The following ITCH variants were observed in gnomAD, a reference collection of about 807,000 sequenced individuals.
The protein encoded by ITCH is itchy E3 ubiquitin protein ligase, also known as E3 ubiquitin-protein ligase Itchy homolog.
Under a neutral mutation model 126.8 loss-of-function variants are expected in ITCH, and 28 were observed. The observed-to-expected ratio is 0.22, with a 90% CI of 0.16 to 0.30. The LOEUF (loss-of-function observed/expected upper bound fraction) is 0.30. ITCH is among the 10% of genes least tolerant of loss of function. ITCH has a pLI of 1.00. For missense variants in ITCH, 631 were observed against 1,032.4 expected, an observed-to-expected ratio of 0.61 and a Z score of 5.33; for synonymous variants, 342 against 340.0, an observed-to-expected ratio of 1.01 and a Z score of -0.06.
intron 23 of ITCH, among the ~76,000 whole-genome samples, chr20:34,494,857 G>A (rs189120116): frequency 6.6e-6 from 1 of 152,088 alleles, no homozygotes. Context: ...TATTCAGGAG[G>A]TTGAGGTGGG....
intron 2 of ITCH, among the ~76,000 whole-genome samples, chr20:34,377,644 G>A (rs980691616): frequency 6.6e-6 from 1 of 151,878 alleles, no homozygotes; most frequent in African/African-American, 2.4e-5. Context: ...TGGGCAGATC[G>A]CTTGAGCCCA....
chr20:34,370,103 C>A (rs1468392136), intron 2 of ITCH, among the ~76,000 whole-genome samples: 2 of 127,168 alleles, frequency 1.6e-5, no homozygotes, highest in Non-Finnish European at 3.2e-5. Context: ...GACCCTGTCT[C>A]GGAAAAAAAA....
chr20:34,469,724 TAAAG>T (rs1328491238), intron 14 of ITCH, among the ~76,000 whole-genome samples: 1 of 149,210 alleles, frequency 6.7e-6, no homozygotes, highest in Non-Finnish European at 1.5e-5. Flanking sequence ...TACTTAAAGA[TAAAG>T]GAGGGAATTG....
At chr20:34,478,752 TAAATA>T (rs1377311317) in intron 17 of ITCH, among the ~76,000 whole-genome samples, 1 of 152,192 alleles carries the variant, frequency 6.6e-6, no homozygotes, top group Admixed American at 6.5e-5. Flanking sequence ...TTTCTGAGTT[TAAATA>T]AAATTATTTC....
intron 6 of ITCH, among the ~76,000 whole-genome samples, chr20:34,421,145 C>T (rs1489279295): frequency 6.6e-6 from 1 of 152,122 alleles, no homozygotes; most frequent in East Asian, 1.9e-4. Flanking sequence ...CGCTGTGTTG[C>T]CAGACTAGAG....
At chr20:34,458,113 G>A (rs1986190403) in intron 13 of ITCH, among the ~76,000 whole-genome samples, 1 of 152,016 alleles carries the variant, frequency 6.6e-6, no homozygotes. Flanking sequence ...GTGGTTTCAA[G>A]GAGGAAGAAA....
At chr20:34,400,641 T>A (rs988322266) in intron 3 of ITCH, among the ~76,000 whole-genome samples, 6 of 117,372 alleles carry the variant, frequency 5.1e-5, no homozygotes, top group Non-Finnish European at 8.7e-5. Flanking sequence ...GAGAAAAAAA[T>A]TTTTCTTTTT....
At chr20:34,445,503 T>C in intron 11 of ITCH, 42 bp downstream of exon 11, 1 of 1,589,004 alleles carries the variant, frequency 6.3e-7, no homozygotes, top group Non-Finnish European at 8.6e-7. Flanking sequence ...GAGTATTTTG[T>C]TTCTAGCCCC....
At chr20:34,399,076 A>G (rs1236425780) in intron 3 of ITCH, among the ~76,000 whole-genome samples, 1 of 152,188 alleles carries the variant, frequency 6.6e-6, no homozygotes, top group Non-Finnish European at 1.5e-5. Flanking sequence ...GAATCAAGTA[A>G]GGAATAAATA....
rs73103127 is a variant in ITCH, at chr20:34,461,897, A to G, written c.1296-196A>G. ...AGCCAAGTAGACGGCAGAAGACTTG[A>G]GTTGTGTTTGATGGACTTTGAGTTT... On this transcript the variant is annotated intron_variant, in intron 13 of 24. Transcript: ENST00000374864. Among the ~76,000 whole-genome samples the G allele has an allele frequency of 6.3e-3, 952 of 152,222 alleles. 2 individuals are homozygous for G. The highest frequency in any genetic ancestry group is 0.02 in the South Asian group (95 of 4,816).
intron 1 of ITCH, among the ~76,000 whole-genome samples, chr20:34,364,524 TCTG>T (rs1345668777): frequency 1.3e-5 from 2 of 151,958 alleles, no homozygotes; most frequent in Non-Finnish European, 2.9e-5. Flanking sequence ...TCATGGCAGA[TCTG>T]CTGAGAGCTT....
intron 16 of ITCH, chr20:34,476,105 A>AT: frequency 1.1e-6 from 1 of 917,184 alleles, no homozygotes; most frequent in South Asian, 1.3e-5. Flanking sequence ...AACTTCTCAT[A>AT]TATGTGATCT....
intron 3 of ITCH, among the ~76,000 whole-genome samples, chr20:34,394,882 C>G (rs1367330861): frequency 6.6e-6 from 1 of 151,974 alleles, no homozygotes; most frequent in African/African-American, 2.4e-5. Context: ...GTCTGTTTGG[C>G]CCACAGAATA....
intron 2 of ITCH, among the ~76,000 whole-genome samples, chr20:34,392,992 C>T (rs1254603984): frequency 6.6e-6 from 1 of 152,180 alleles, no homozygotes; most frequent in Non-Finnish European, 1.5e-5. Context: ...TTAAAGCTAT[C>T]TGGATAGGTA....
At chr20:34,478,021 A>C (rs1988393307) in intron 17 of ITCH, 161 bp downstream of exon 17, 1 of 897,746 alleles carries the variant, frequency 1.1e-6, no homozygotes, top group African/African-American at 1.7e-5. Context: ...TTCAAAAAAC[A>C]TTTAATTCAG....
At chr20:34,380,556 G>C (rs1204095639) in intron 2 of ITCH, among the ~76,000 whole-genome samples, 1 of 139,898 alleles carries the variant, frequency 7.1e-6, no homozygotes, top group African/African-American at 2.6e-5. Flanking sequence ...GTGTTTTGCA[G>C]ATTTTATCTC....
chr20:34,473,677 AAC>A (rs1376310880), intron 16 of ITCH, among the ~76,000 whole-genome samples: 1 of 152,260 alleles, frequency 6.6e-6, no homozygotes, highest in East Asian at 1.9e-4. Flanking sequence ...GTTGAGTCAA[AAC>A]AGAGATCAAA....
chr20:34,435,969 C>A lies in ITCH; in HGVS notation c.522-2505C>A, dbSNP rs574421531. 1.1e-3 allele frequency among the ~76,000 whole-genome samples: 169 copies of A among 152,200 alleles called. 1 individual carries two copies. The highest frequency in any genetic ancestry group is 3.9e-3 in the African/African-American group (163 of 41,546). On this transcript the variant is annotated intron_variant, in intron 7 of 24. Transcript: ENST00000374864. ...AGAGTTCAAGATCTAGGAAGAGGAA[C>A]AATTCTAAGTATCAAGGAAATTTAA...
Position 34,471,436 on chromosome 20 carries a change from T to C in ITCH, c.1498-8T>C. On this transcript the variant is annotated splice_region_variant and splice_polypyrimidine_tract_variant and intron_variant, in intron 15 of 24. Coordinates refer to ENST00000374864, the MANE Select transcript of ITCH (RefSeq NM_031483.7). The stretch of plus-strand genomic sequence containing the variant: ...TGAGAGTTGACTTAAGTCATTCTTC[T>C]ATTTCAGCAACTGGCCATGCCACAG... 1 of 1,570,028 alleles carries C rather than the reference T, an allele frequency of 6.4e-7. No homozygotes were observed. The highest frequency in any genetic ancestry group is 8.8e-7 in the Non-Finnish European group (1 of 1,139,710).
Sources: gnomAD v4.1 joint callset for allele counts (sites outside exome capture counted in the v4.1 genomes callset) on GRCh38, gnomAD v4.1.1 for gene constraint, MANE v1.5 for transcripts, NCBI Gene and HGNC (gene_info 2026-07-23, HGNC 2026-07-21) for gene names.